The following WDHD1 variants were observed in gnomAD, a reference collection of about 807,000 sequenced individuals.
WDHD1 encodes the protein WD repeat and HMG-box DNA binding protein 1.
WDHD1 carries 111 observed loss-of-function variants against 135.4 expected under a neutral mutation model. The observed-to-expected ratio is 0.82, with a 90% CI of 0.70 to 0.96. The LOEUF (loss-of-function observed/expected upper bound fraction) is 0.96. Ranked by LOEUF, WDHD1 falls within the 40% of genes least tolerant of loss-of-function variation. WDHD1 has a pLI of 0.00. For missense variants in WDHD1, 1,351 were observed against 1,336.3 expected, an observed-to-expected ratio of 1.01 and a Z score of -0.17; for synonymous variants, 434 against 439.0, an observed-to-expected ratio of 0.99 and a Z score of 0.14.
chr14:55,008,755 C>T (rs370007079), intron 4 of WDHD1, 36 bp from the exon 5 acceptor site: 292 of 1,453,330 alleles, frequency 2.0e-4, no homozygotes, highest in Middle Eastern at 1.1e-3. Context: ...TGAATAAATG[C>T]TAACACAAAG....
At chr14:54,952,280 G>C (rs936196467) in intron 24 of WDHD1, among the ~76,000 whole-genome samples, 2 of 152,112 alleles carry the variant, frequency 1.3e-5, no homozygotes, top group Non-Finnish European at 2.9e-5. Flanking sequence ...AGCTGATAGG[G>C]AACTTCAGCA....
chr14:54,989,391 G>A (rs1263266722), intron 12 of WDHD1, among the ~76,000 whole-genome samples, 179 bp from the exon 13 acceptor site: 1 of 152,042 alleles, frequency 6.6e-6, no homozygotes, highest in Non-Finnish European at 1.5e-5. Context: ...TAATACCAGA[G>A]CTACAATTAC....
At chr14:55,013,660 C>T (rs2042212114) in intron 2 of WDHD1, 64 bp from the exon 3 acceptor site, 4 of 1,262,408 alleles carry the variant, frequency 3.2e-6, no homozygotes, top group East Asian at 2.3e-5. Flanking sequence ...AATGCTAGCA[C>T]TTTGGGAGTA....
chr14:55,001,904 T>TA (rs1286902757), intron 8 of WDHD1, among the ~76,000 whole-genome samples, 189 bp downstream of exon 8: 1 of 152,220 alleles, frequency 6.6e-6, no homozygotes, highest in Non-Finnish European at 1.5e-5. Flanking sequence ...TGACTTCTTA[T>TA]AACAAAGACC....
At chr14:55,002,410 A>G (rs1243024228) in intron 7 of WDHD1, among the ~76,000 whole-genome samples, 1 of 152,172 alleles carries the variant, frequency 6.6e-6, no homozygotes, top group Non-Finnish European at 1.5e-5. Flanking sequence ...AGCTGGGACT[A>G]CAGGCATACA....
At chr14:55,016,315 A>G (rs1214216982) in intron 2 of WDHD1, among the ~76,000 whole-genome samples, 1 of 152,196 alleles carries the variant, frequency 6.6e-6, no homozygotes, top group Non-Finnish European at 1.5e-5. Flanking sequence ...AAAGTATATC[A>G]AGTACATATT....
chr14:55,005,059 G>A (rs1228281715), intron 7 of WDHD1: 2 of 545,136 alleles, frequency 3.7e-6, no homozygotes, highest in Non-Finnish European at 3.6e-6. Flanking sequence ...GCAGCAGGCT[G>A]CTCTTCTTTT....
intron 12 of WDHD1, among the ~76,000 whole-genome samples, chr14:54,990,267 G>A (rs896160216): frequency 1.3e-5 from 2 of 152,008 alleles, no homozygotes; most frequent in Admixed American, 6.6e-5. Flanking sequence ...CCTCAGAATG[G>A]AAAACATCAT....
rs1306144956 is a variant in WDHD1, at chr14:54,941,472, T to C, written c.*18A>G. ...AGTAAAAAAAAATCCATTACTTCCC[T>C]AGGGTCACTTTCTTCCTTTACTCCT... On this transcript the variant is annotated 3_prime_UTR_variant, in exon 26 of 26. Coordinates refer to ENST00000360586, the MANE Select transcript of WDHD1 (RefSeq NM_007086.4). The C allele has an allele frequency of 7.5e-6, 12 of 1,595,662 alleles. No homozygotes were observed. The highest frequency in any genetic ancestry group is 9.4e-6 in the Non-Finnish European group (11 of 1,173,900).
chr14:54,955,623 A>T lies in WDHD1; in HGVS notation c.2988T>A (p.Asn996Lys), dbSNP rs750333965. The change falls in exon 24 of 26, where the codon AAT (asparagine) becomes AAA (lysine). Residue 996 changes from asparagine to lysine, a missense_variant. Around this residue, in one of 2 missense-constraint regions of WDHD1, gnomAD observed 1,330 missense variants for 1,296.1 expected, o/e 1.03. Transcript: ENST00000360586. ...GGGTTTCAGATAATACATTTTTAAG[A>T]TTTTCTTCTTTCACTTCCTCAGTTT... ...TNKTEEVKEE[N>K]LKNVLSETPA... 1.3e-6 allele frequency: 2 copies of T among 1,593,312 alleles called. No individual in the cohort carries two copies. Among genetic ancestry groups the T allele is most frequent in the Non-Finnish European group, 1.7e-6 (2 of 1,172,600 alleles).
intron 21 of WDHD1, among the ~76,000 whole-genome samples, chr14:54,962,030 T>A (rs2041260398): frequency 6.6e-6 from 1 of 152,100 alleles, no homozygotes; most frequent in African/African-American, 2.4e-5. Flanking sequence ...AGAGATGGGG[T>A]TTCACCGTGT....
chr14:55,001,032 A>T (rs1462173303), intron 8 of WDHD1, 40 bp from the exon 9 acceptor site: 1 of 1,300,690 alleles, frequency 7.7e-7, no homozygotes. Flanking sequence ...ATTTTGTAAA[A>T]TTTCAAACTA....
rs776945408 is a variant in WDHD1, at chr14:54,967,366, G to A, written c.2092C>T (p.Pro698Ser). 3 of 1,611,798 alleles carry A rather than the reference G, an allele frequency of 1.9e-6. No homozygotes were observed. Among genetic ancestry groups the A allele is most frequent in the East Asian group, 4.5e-5 (2 of 44,788 alleles). ...RCIPCKGSRF[P>S]PTLPRPAVAI... ...ACAGCAGGGCGTGGAAGGGTTGGGG[G>A]AAACCGAGAACCTTTACAAGGAATG... Residue 698 changes from proline to serine, a missense_variant, in exon 17 of 26, where the codon CCC becomes TCC. Around this residue, in one of 2 missense-constraint regions of WDHD1, gnomAD observed 1,330 missense variants for 1,296.1 expected, o/e 1.03. Transcript: ENST00000360586.
At chr14:55,021,617 C>T (rs547379767) in intron 2 of WDHD1, among the ~76,000 whole-genome samples, 13 of 152,298 alleles carry the variant, frequency 8.5e-5, no homozygotes, top group African/African-American at 3.1e-4. Flanking sequence ...AACTCCTGAC[C>T]TCAAGTGATC....
chr14:55,013,357 T>C, intron 3 of WDHD1, 128 bp downstream of exon 3: 2 of 652,346 alleles, frequency 3.1e-6, no homozygotes, highest in Non-Finnish European at 5.1e-6. Context: ...GGCATTATCA[T>C]ACATTTTAAA....
At chr14:54,998,537 C>A (rs2041924603) in intron 10 of WDHD1, among the ~76,000 whole-genome samples, 1 of 152,164 alleles carries the variant, frequency 6.6e-6, no homozygotes, top group Admixed American at 6.5e-5. Context: ...CTCTCCACAG[C>A]CCCAATTTAC....
At chr14:55,008,519 T>G (rs2042111029) in intron 5 of WDHD1, 89 bp downstream of exon 5, 25 of 1,457,876 alleles carry the variant, frequency 1.7e-5, no homozygotes, top group Non-Finnish European at 2.3e-5. Flanking sequence ...AAAAGTTGAG[T>G]TAGCAGAAAA....
intron 3 of WDHD1, among the ~76,000 whole-genome samples, chr14:55,012,490 G>A (rs1411171799): frequency 6.6e-6 from 1 of 152,140 alleles, no homozygotes; most frequent in African/African-American, 2.4e-5. Flanking sequence ...AAACACATAT[G>A]AATATATATT....
chr14:54,951,404 T>C lies in WDHD1; in HGVS notation c.3050+4157A>G, dbSNP rs1472934494. On this transcript the variant is annotated intron_variant, in intron 24 of 25. Coordinates refer to ENST00000360586, the MANE Select transcript of WDHD1 (RefSeq NM_007086.4). ...AATAAACTAGAAAATCTAGAAGACA[T>C]GGATAAATTCCTGGACACACACACC... 2.6e-5 allele frequency among the ~76,000 whole-genome samples: 4 copies of C among 152,038 alleles called. No individual in the cohort carries two copies. The East Asian group carries it at 7.7e-4, about 29-fold the overall frequency.
Sources: allele counts gnomAD v4.1 joint callset (sites outside exome capture counted in the v4.1 genomes callset), GRCh38; gene constraint gnomAD v4.1.1; regional missense constraint gnomAD v4.1.1; transcripts MANE v1.5; gene names NCBI Gene and HGNC (gene_info 2026-07-23, HGNC 2026-07-21).